Variants in ARHGAP26 observed in about 807,000 individuals in gnomAD.
ARHGAP26 encodes the protein rho GTPase-activating protein 26.
In ARHGAP26, 38 loss-of-function variants were observed where a neutral mutation model predicts 104.8. That is an observed-to-expected ratio of 0.36 (90% CI 0.28 to 0.48). ARHGAP26 has a LOEUF of 0.48. Ranked by LOEUF, ARHGAP26 falls within the 20% of genes least tolerant of loss-of-function variation. The pLI, the probability that ARHGAP26 is intolerant of heterozygous loss-of-function variation, is 0.99. For missense variants in ARHGAP26, 704 were observed against 947.9 expected, an observed-to-expected ratio of 0.74 and a Z score of 3.38; for synonymous variants, 341 against 340.0, an observed-to-expected ratio of 1.00 and a Z score of -0.03.
intron 21 of ARHGAP26, chr5:143,207,514 A>G (rs1412393126): frequency 1.2e-6 from 2 of 1,605,714 alleles, no homozygotes; most frequent in East Asian, 2.2e-5. Context: ...CCGTTTATCC[A>G]AAGCTGGCCA....
At chr5:143,134,831 A>G (rs1161095891) in intron 19 of ARHGAP26, among the ~76,000 whole-genome samples, 3 of 152,266 alleles carry the variant, frequency 2.0e-5, no homozygotes. Flanking sequence ...CACTCATAGG[A>G]AGTTATGCGA....
chr5:142,771,015 C>G, intron 1 of ARHGAP26, 100 bp downstream of exon 1: 16 of 1,471,998 alleles, frequency 1.1e-5, no homozygotes, highest in African/African-American at 1.4e-5. Context: ...GGTTTCTGCT[C>G]CCGGTACACT....
chr5:143,019,429 G>A (rs898370000), intron 12 of ARHGAP26, among the ~76,000 whole-genome samples: 1 of 152,038 alleles, frequency 6.6e-6, no homozygotes, highest in Non-Finnish European at 1.5e-5. Flanking sequence ...TGTATCTCTC[G>A]ATGTCTTTTT....
chr5:142,790,651 A>T (rs1283764913), intron 1 of ARHGAP26, among the ~76,000 whole-genome samples: 3 of 151,942 alleles, frequency 2.0e-5, no homozygotes, highest in Non-Finnish European at 4.4e-5. Flanking sequence ...TGCCTCTCTG[A>T]CCTTCCTCTT....
intron 11 of ARHGAP26, among the ~76,000 whole-genome samples, chr5:142,939,961 C>T (rs1765996536): frequency 6.6e-6 from 1 of 152,222 alleles, no homozygotes; most frequent in African/African-American, 2.4e-5. Flanking sequence ...TTACTTGATT[C>T]ACTTAGCTCA....
rs779626045 is a variant in ARHGAP26, at chr5:142,879,437, G to A, written c.376G>A (p.Ala126Thr). The change falls in exon 4 of 23, where the codon GCT becomes ACT. Residue 126 changes from alanine to threonine, a missense_variant. By Grantham distance (58) the Ala-to-Thr change is moderately conservative (BLOSUM62 0). This residue lies in a region of ARHGAP26 where 106 missense variants were observed against 120.5 expected (regional missense o/e 0.88). Coordinates refer to ENST00000645722, the MANE Select transcript of ARHGAP26 (RefSeq NM_001135608.3). ...LEKFRKEQIGAAKEAKKKYDK... is the reference protein window; with the variant it reads ...LEKFRKEQIGTAKEAKKKYDK... The stretch of plus-strand genomic sequence containing the variant: ...GAAGTTTCGAAAGGAACAGATCGGG[G>A]CTGCCAAGGTGAGAATTTTGCAAGC... The A allele has an allele frequency of 1.2e-5, 20 of 1,611,844 alleles. No homozygotes were observed. The highest frequency in any genetic ancestry group is 1.7e-4 in the Middle Eastern group (1 of 6,050).
chr5:143,123,128 T>A lies in ARHGAP26; in HGVS notation c.1698+1981T>A, dbSNP rs533237281. 1.2e-4 allele frequency among the ~76,000 whole-genome samples: 18 copies of A among 152,354 alleles called. No individual in the cohort carries two copies. The South Asian group carries it at 3.7e-3, about 32-fold the overall frequency. ...TCCCAGTGATCCTGTCCACCAGTGT[T>A]CATTCCCTTGTGTAGCCCCCTCCAC... On this transcript the variant is annotated intron_variant, in intron 18 of 22. Coordinates refer to ENST00000645722, the MANE Select transcript of ARHGAP26 (RefSeq NM_001135608.3).
At position 143,216,315 on chromosome 5, in the gene ARHGAP26, C is replaced by T. The variant is rs145952236; in HGVS notation, c.2191+2227C>T. 5 of 470,902 alleles carry T rather than the reference C, an allele frequency of 1.1e-5. No individual in the cohort carries two copies. The East Asian group carries it at 3.5e-4, about 33-fold the overall frequency. 29.2% of individuals were successfully genotyped at this position (470,902 alleles called of 1,614,324 possible). A position where few individuals can be genotyped will look rare whatever the true frequency, so the allele number is the denominator to read the frequency against. On this transcript the variant is annotated intron_variant, in intron 22 of 22. Coordinates refer to ENST00000645722, the MANE Select transcript of ARHGAP26 (RefSeq NM_001135608.3). ...CTCACATCTGCTCTTGCTGCCATAA[C>T]CCCCTCTTTACAGAGCAGCGAGAGT...
intron 11 of ARHGAP26, among the ~76,000 whole-genome samples, chr5:142,961,164 A>C (rs1770160463): frequency 6.6e-6 from 1 of 152,164 alleles, no homozygotes; most frequent in East Asian, 1.9e-4. Context: ...AGCCAGGCAC[A>C]CAGTAGAAAG....
intron 11 of ARHGAP26, among the ~76,000 whole-genome samples, chr5:142,963,796 C>G (rs145293156): frequency 6.6e-6 from 1 of 152,272 alleles, no homozygotes; most frequent in East Asian, 1.9e-4. Context: ...ATTCCTCTCC[C>G]TCCTTTAGAA....
chr5:142,961,601 C>T (rs10080138), intron 11 of ARHGAP26, among the ~76,000 whole-genome samples: 2,263 of 152,254 alleles, frequency 0.015, 65 homozygotes, highest in African/African-American at 0.052. Context: ...AGCCTGTCAC[C>T]TGACCTATGG....
intron 17 of ARHGAP26, among the ~76,000 whole-genome samples, chr5:143,059,214 G>A (rs185945053): frequency 6.6e-6 from 1 of 152,148 alleles, no homozygotes; most frequent in African/African-American, 2.4e-5. Context: ...CATGTGTGGG[G>A]ATGCTCATGA....
intron 11 of ARHGAP26, among the ~76,000 whole-genome samples, chr5:142,957,610 T>C (rs568330675): frequency 6.6e-6 from 1 of 152,358 alleles, no homozygotes; most frequent in South Asian, 2.1e-4. Context: ...GGAGAGTCTC[T>C]TACGTAGTTT....
At chr5:142,789,712 C>T (rs559512757) in intron 1 of ARHGAP26, among the ~76,000 whole-genome samples, 310 of 152,282 alleles carry the variant, frequency 2.0e-3, no homozygotes, top group Non-Finnish European at 3.5e-3. Context: ...TTTCCTTGCA[C>T]CCCCACCCAT....
Position 143,056,093 on chromosome 5 carries a change from C to G in ARHGAP26, c.1432+7C>G, listed in dbSNP as rs767492796. The G allele has an allele frequency of 9.9e-6, 16 of 1,610,932 alleles. No individual in the cohort carries two copies. Among genetic ancestry groups the G allele is most frequent in the Non-Finnish European group, 1.4e-5 (16 of 1,177,686 alleles). ...AGTTTCATCAAAGCAGCAAGTAAGT[C>G]TTTTTTGTCTCAGTTTTAAGGGGAA... On this transcript the variant is annotated splice_region_variant and intron_variant, in intron 16 of 22. Coordinates refer to ENST00000645722, the MANE Select transcript of ARHGAP26 (RefSeq NM_001135608.3).
intron 14 of ARHGAP26, among the ~76,000 whole-genome samples, chr5:143,053,966 T>C (rs1785413222): frequency 1.3e-5 from 2 of 152,250 alleles, no homozygotes. Flanking sequence ...AGACATACGG[T>C]AATTCACTTA....
intron 1 of ARHGAP26, among the ~76,000 whole-genome samples, chr5:142,848,044 A>G (rs927252527): frequency 7.2e-5 from 11 of 152,232 alleles, no homozygotes; most frequent in Non-Finnish European, 1.3e-4. Flanking sequence ...CAGTTGTTCA[A>G]TCCAATTGAA....
At chr5:142,949,282 G>A (rs944904355) in intron 11 of ARHGAP26, among the ~76,000 whole-genome samples, 6 of 141,566 alleles carry the variant, frequency 4.2e-5, no homozygotes, top group Admixed American at 7.2e-5. Flanking sequence ...GAGCACTACC[G>A]TCCAGTTTTT....
chr5:142,894,095 C>G (rs1262835009), intron 5 of ARHGAP26, 143 bp from the exon 6 acceptor site: 5 of 603,874 alleles, frequency 8.3e-6, no homozygotes, highest in Non-Finnish European at 1.5e-5. Flanking sequence ...GAAATAGTTA[C>G]TATAGTTATT....
Sources: gnomAD v4.1 joint callset for allele counts (sites outside exome capture counted in the v4.1 genomes callset) on GRCh38, gnomAD v4.1.1 for gene constraint, gnomAD v4.1.1 regional missense constraint, MANE v1.5 for transcripts, NCBI Gene and HGNC (gene_info 2026-07-23, HGNC 2026-07-21) for gene names.